The following LGSN variants were observed in gnomAD, a reference collection of about 807,000 sequenced individuals.
LGSN encodes lengsin, lens protein with glutamine synthetase domain.
A neutral mutation model predicts 19.5 loss-of-function variants in LGSN; 21 were observed. The ratio of observed to expected loss-of-function variants is 1.07; its 90% CI spans 0.76 to 1.55. The LOEUF is 1.55. LGSN is among the 40% of genes most tolerant of loss of function. The probability of loss-of-function intolerance (pLI) is 0.00; values close to 1 mark genes in which losing one functional copy is unlikely to be tolerated. For synonymous variants in LGSN, 257 were observed against 215.6 expected, an observed-to-expected ratio of 1.19 and a Z score of -1.68; for missense variants, 673 against 608.5, an observed-to-expected ratio of 1.11 and a Z score of -1.12.
At chr6:63,412,504 A>AAG in the LGSN span, among the ~76,000 whole-genome samples, 1 of 113,016 alleles carries the variant, frequency 8.8e-6, no homozygotes, top group Non-Finnish European at 1.7e-5. Flanking sequence ...GAAAGAAAGA[A>AAG]AGAAAGAAAG....
At chr6:63,479,518 T>A in the LGSN span, among the ~76,000 whole-genome samples, 1 of 151,808 alleles carries the variant, frequency 6.6e-6, no homozygotes, top group Non-Finnish European at 1.5e-5. Context: ...GGCTGGCGGA[T>A]CTCGAGGTCA....
chr6:63,553,595 G>A, the LGSN span, among the ~76,000 whole-genome samples: 3 of 152,312 alleles, frequency 2.0e-5, no homozygotes, highest in Middle Eastern at 0.01. Flanking sequence ...CACATATTTA[G>A]ATCTTGATGT....
At chr6:63,303,835 T>C (rs1025322315) in intron 1 of LGSN, among the ~76,000 whole-genome samples, 5 of 152,200 alleles carry the variant, frequency 3.3e-5, no homozygotes, top group African/African-American at 1.2e-4. Flanking sequence ...ACCTTGAGTC[T>C]GGCCCATCCA....
chr6:63,484,980 T>C, the LGSN span, among the ~76,000 whole-genome samples: 2 of 152,212 alleles, frequency 1.3e-5, no homozygotes, highest in African/African-American at 4.8e-5. Context: ...AGATTTATTC[T>C]ATGCATTTTA....
chr6:63,506,477 C>A, the LGSN span, among the ~76,000 whole-genome samples: 1 of 151,956 alleles, frequency 6.6e-6, no homozygotes, highest in Non-Finnish European at 1.5e-5. Context: ...GTTGGCCAGG[C>A]TGGTCTCGAA....
chr6:63,288,272 AT>A (rs2127384885), intron 2 of LGSN, among the ~76,000 whole-genome samples: 2 of 147,000 alleles, frequency 1.4e-5, no homozygotes, highest in Admixed American at 6.8e-5. Flanking sequence ...TAAATAAATA[AT>A]AATAATATTC....
the LGSN span, among the ~76,000 whole-genome samples, chr6:63,565,524 C>T: frequency 5.3e-5 from 8 of 152,110 alleles, no homozygotes; most frequent in Admixed American, 3.9e-4. Flanking sequence ...GATATGATGA[C>T]TTGATAAGAT....
At chr6:63,398,466 T>A in the LGSN span, among the ~76,000 whole-genome samples, 1 of 151,968 alleles carries the variant, frequency 6.6e-6, no homozygotes, top group South Asian at 2.1e-4. Flanking sequence ...AAAATACATG[T>A]AAAAATAGAA....
chr6:63,422,112 G>A, the LGSN span, among the ~76,000 whole-genome samples: 1 of 152,132 alleles, frequency 6.6e-6, no homozygotes, highest in Non-Finnish European at 1.5e-5. Context: ...CGCCCAGGCT[G>A]GAGTTCAGTG....
At chr6:63,393,416 TG>T in the LGSN span, among the ~76,000 whole-genome samples, 1 of 151,550 alleles carries the variant, frequency 6.6e-6, no homozygotes. Flanking sequence ...TGACCTCAAG[TG>T]ATCTACCCAC....
chr6:63,411,232 C>T, the LGSN span, among the ~76,000 whole-genome samples: 6 of 152,238 alleles, frequency 3.9e-5, no homozygotes, highest in South Asian at 1.2e-3. Flanking sequence ...TTCCCAAGCA[C>T]CAGGAATTAC....
the LGSN span, among the ~76,000 whole-genome samples, chr6:63,364,273 AC>A: frequency 6.6e-6 from 1 of 151,092 alleles, no homozygotes; most frequent in African/African-American, 2.5e-5. Context: ...CAAAAAAAAA[AC>A]GGGTTGCAAT....
At chr6:63,359,227 C>T in the LGSN span, among the ~76,000 whole-genome samples, 17,919 of 152,084 alleles carry the variant, frequency 0.12, 2,212 homozygotes, top group African/African-American at 0.31. Flanking sequence ...CTGCTGGATT[C>T]GGTTTGCTAG....
the LGSN span, chr6:63,549,466 C>T: frequency 2.5e-6 from 2 of 794,810 alleles, no homozygotes; most frequent in African/African-American, 1.7e-5. Context: ...GACAGCAGGG[C>T]CGGAGCCACC....
chr6:63,514,666 T>A, the LGSN span, among the ~76,000 whole-genome samples: 1 of 152,220 alleles, frequency 6.6e-6, no homozygotes, highest in Non-Finnish European at 1.5e-5. Context: ...GTCCCCAGTG[T>A]TGTTGTGGTT....
chr6:63,526,300 G>T, the LGSN span, among the ~76,000 whole-genome samples: 32 of 152,080 alleles, frequency 2.1e-4, no homozygotes, highest in African/African-American at 7.5e-4. Flanking sequence ...ACTCCAGCCT[G>T]GGTAACAGAG....
At chr6:63,352,056 G>C in the LGSN span, among the ~76,000 whole-genome samples, 2 of 152,164 alleles carry the variant, frequency 1.3e-5, no homozygotes, top group African/African-American at 4.8e-5. Context: ...ACAAGAAATG[G>C]TTGAGACAGA....
At chr6:63,565,518 T>A in the LGSN span, among the ~76,000 whole-genome samples, 1 of 152,206 alleles carries the variant, frequency 6.6e-6, no homozygotes, top group Admixed American at 6.5e-5. Flanking sequence ...TGGTTTGATA[T>A]GATGACTTGA....
chr6:63,476,279 A>G, the LGSN span, among the ~76,000 whole-genome samples: 1 of 152,222 alleles, frequency 6.6e-6, no homozygotes, highest in Non-Finnish European at 1.5e-5. Flanking sequence ...TAACAACCTC[A>G]GCATACAAAG....
Sources: gnomAD v4.1 joint callset for allele counts (sites outside exome capture counted in the v4.1 genomes callset) on GRCh38, gnomAD v4.1.1 for gene constraint, MANE v1.5 for transcripts, NCBI Gene and HGNC (gene_info 2026-07-23, HGNC 2026-07-21) for gene names.